The following RAP2A variants were observed in gnomAD, a reference collection of about 807,000 sequenced individuals.
The protein encoded by RAP2A is ras-related protein Rap-2a.
In RAP2A, 5 loss-of-function variants were observed where a neutral mutation model predicts 15.1. That is an observed-to-expected ratio of 0.33 (90% CI 0.17 to 0.70). The LOEUF (loss-of-function observed/expected upper bound fraction) is 0.70, where lower values mean the gene tolerates loss of function less well. Among genes scored for constraint, RAP2A ranks in the 30% least tolerant of loss-of-function variants. The pLI, the probability that RAP2A is intolerant of heterozygous loss-of-function variation, is 0.68. For missense variants in RAP2A, 111 were observed against 240.3 expected (o/e 0.46, Z 3.56); for synonymous variants, 110 against 99.7 (o/e 1.10, Z -0.62).
At chr13:97,445,329 A>G (rs939050292) in intron 1 of RAP2A, among the ~76,000 whole-genome samples, 3 of 152,232 alleles carry the variant, frequency 2.0e-5, no homozygotes, top group Non-Finnish European at 2.9e-5. Context: ...ACAATCAGTA[A>G]TGTTGACTGG....
intron 1 of RAP2A, among the ~76,000 whole-genome samples, chr13:97,440,839 A>C (rs947068388): frequency 6.6e-5 from 10 of 152,078 alleles, no homozygotes; most frequent in African/African-American, 1.9e-4. Context: ...TTTTTTTTGT[A>C]GTAAGAACAC....
At chr13:97,452,764 A>G (rs565772000) in intron 1 of RAP2A, among the ~76,000 whole-genome samples, 2 of 151,486 alleles carry the variant, frequency 1.3e-5, no homozygotes, top group South Asian at 4.2e-4. Context: ...TGCATCTTCC[A>G]GTAAGTAAAT....
intron 1 of RAP2A, among the ~76,000 whole-genome samples, chr13:97,447,722 T>C (rs1397376889): frequency 6.6e-6 from 1 of 152,230 alleles, no homozygotes; most frequent in Non-Finnish European, 1.5e-5. Context: ...ACATTTTTGT[T>C]ACTCCAGACA....
In RAP2A at chr13:97,461,114, G is replaced by A. The variant is rs548556613; in HGVS notation, c.315-3091G>A. On this transcript the variant is annotated intron_variant, in intron 1 of 1. Coordinates refer to ENST00000245304, the MANE Select transcript of RAP2A (RefSeq NM_021033.7). ...CCTTTACAGCAACCCTGTGTTAAGT[G>A]GGAACAGATACTCTTACTCCCTTTT... is the stretch of plus-strand genomic sequence containing the variant. 4.6e-5 allele frequency among the ~76,000 whole-genome samples: 7 copies of A among 152,148 alleles called. No individual in the cohort carries two copies. In the East Asian group the frequency reaches 1.2e-3, roughly 25 times the overall value.
chr13:97,451,967 T>C (rs2066703909), intron 1 of RAP2A, among the ~76,000 whole-genome samples: 1 of 151,340 alleles, frequency 6.6e-6, no homozygotes, highest in Admixed American at 6.6e-5. Flanking sequence ...CTTTTGTCCA[T>C]TTTAAAAATT....
At position 97,434,395 on chromosome 13, in the gene RAP2A, C is replaced by A. The variant is rs1280774362; in HGVS notation, c.-76C>A. 3 of 1,059,536 alleles carry A rather than the reference C, an allele frequency of 2.8e-6. No individual in the cohort carries two copies. The highest frequency in any genetic ancestry group is 3.4e-6 in the Non-Finnish European group (3 of 876,630). 65.6% of individuals were successfully genotyped at this position (1,059,536 alleles called of 1,614,324 possible). A position where few individuals can be genotyped will look rare whatever the true frequency, so the allele number is the denominator to read the frequency against. ...AGGCGGCGGGGCGGGCCGCCGGGGC[C>A]GGGGCTGGGGGCGCAGCGCGGCCGG... is the stretch of plus-strand genomic sequence containing the variant. On this transcript the variant is annotated 5_prime_UTR_variant, in exon 1 of 2. Coordinates refer to ENST00000245304, the MANE Select transcript of RAP2A (RefSeq NM_021033.7).
intron 1 of RAP2A, 108 bp downstream of exon 1, chr13:97,434,892 C>G (rs995074362): frequency 2.1e-6 from 3 of 1,454,956 alleles, no homozygotes; most frequent in Non-Finnish European, 2.8e-6. Flanking sequence ...GGGGGTGGCT[C>G]CAAGCTGGAG....
At chr13:97,464,184 G>A (rs2066759961) in intron 1 of RAP2A, 21 bp from the exon 2 acceptor site, 3 of 1,611,498 alleles carry the variant, frequency 1.9e-6, no homozygotes, top group Non-Finnish European at 1.7e-6. Flanking sequence ...ATGTATGTGT[G>A]TTTTGTTTAT....
intron 1 of RAP2A, among the ~76,000 whole-genome samples, chr13:97,461,204 G>A (rs1206145895): frequency 6.6e-6 from 1 of 152,170 alleles, no homozygotes; most frequent in Non-Finnish European, 1.5e-5. Context: ...ACTGGAAGCA[G>A]AGCCTCCAAA....
chr13:97,460,975 CCTT>C (rs1160824588), intron 1 of RAP2A, among the ~76,000 whole-genome samples: 2 of 152,158 alleles, frequency 1.3e-5, no homozygotes, highest in African/African-American at 4.8e-5. Context: ...TTCTCCGGCT[CCTT>C]CTTCACCCTT....
chr13:97,448,453 T>C (rs754017528), intron 1 of RAP2A, among the ~76,000 whole-genome samples: 18 of 152,176 alleles, frequency 1.2e-4, no homozygotes, highest in African/African-American at 3.9e-4. Context: ...ATTGCCCAAG[T>C]GTGGTGTGTA....
At chr13:97,460,122 A>G (rs1356600031) in intron 1 of RAP2A, among the ~76,000 whole-genome samples, 5 of 152,198 alleles carry the variant, frequency 3.3e-5, no homozygotes, top group Non-Finnish European at 5.9e-5. Context: ...TCTGCTGTTG[A>G]GTCAGAGCAT....
At chr13:97,462,961 CTATG>C (rs2066754174) in intron 1 of RAP2A, among the ~76,000 whole-genome samples, 2 of 152,130 alleles carry the variant, frequency 1.3e-5, no homozygotes, top group African/African-American at 2.4e-5. Flanking sequence ...TAAAAATTGT[CTATG>C]CATCCTGCCT....
intron 1 of RAP2A, among the ~76,000 whole-genome samples, chr13:97,445,204 T>G (rs2066674628): frequency 6.6e-6 from 1 of 152,172 alleles, no homozygotes; most frequent in African/African-American, 2.4e-5. Context: ...GCAGTATATT[T>G]AGTACATTTT....
intron 1 of RAP2A, among the ~76,000 whole-genome samples, chr13:97,459,358 G>C (rs570540533): frequency 6.6e-6 from 1 of 152,258 alleles, no homozygotes; most frequent in South Asian, 2.1e-4. Context: ...GAAAGTAACT[G>C]TCATCACCCA....
intron 1 of RAP2A, among the ~76,000 whole-genome samples, chr13:97,449,962 G>A (rs1397066608): frequency 1.3e-5 from 2 of 149,318 alleles, no homozygotes; most frequent in Non-Finnish European, 3.0e-5. Flanking sequence ...TTCAGTGTTT[G>A]GGGTTTTTTT....
intron 1 of RAP2A, among the ~76,000 whole-genome samples, chr13:97,457,405 C>T (rs1163911599): frequency 2.6e-5 from 4 of 151,776 alleles, no homozygotes; most frequent in Non-Finnish European, 4.4e-5. Flanking sequence ...AATTACGGTA[C>T]AGTTATAGTT....
At chr13:97,438,928 A>G (rs2066645460) in intron 1 of RAP2A, among the ~76,000 whole-genome samples, 1 of 152,196 alleles carries the variant, frequency 6.6e-6, no homozygotes, top group Non-Finnish European at 1.5e-5. Flanking sequence ...TTTTGATTTC[A>G]TAGATGGAGG....
chr13:97,439,389 C>T (rs1023060254), intron 1 of RAP2A, among the ~76,000 whole-genome samples: 2 of 152,106 alleles, frequency 1.3e-5, no homozygotes, highest in Non-Finnish European at 2.9e-5. Flanking sequence ...CCTGAATTAG[C>T]ATGGTGTCTG....
Sources: gnomAD v4.1 joint callset for allele counts (sites outside exome capture counted in the v4.1 genomes callset) on GRCh38, gnomAD v4.1.1 for gene constraint, MANE v1.5 for transcripts, NCBI Gene and HGNC (gene_info 2026-07-23, HGNC 2026-07-21) for gene names.